Variants in ADAMTSL1 observed in about 807,000 individuals in gnomAD.
The protein encoded by ADAMTSL1 is ADAMTS like 1.
A neutral mutation model predicts 201.8 loss-of-function variants in ADAMTSL1; 126 were observed. The observed-to-expected ratio is 0.62, with a 90% CI of 0.54 to 0.72. The LOEUF (loss-of-function observed/expected upper bound fraction) is 0.72, where lower values mean the gene tolerates loss of function less well. Ranked by LOEUF, ADAMTSL1 falls within the 30% of genes least tolerant of loss-of-function variation. The probability of loss-of-function intolerance (pLI) is 0.00; values close to 1 mark genes in which losing one functional copy is unlikely to be tolerated. For missense variants in ADAMTSL1, 2,679 were observed against 2,277.8 expected (o/e 1.18, Z -3.59); for synonymous variants, 1,121 against 903.4 (o/e 1.24, Z -4.32).
At chr9:18,015,072 CTTATT>C (rs1449417686) in intron 1 of ADAMTSL1, among the ~76,000 whole-genome samples, 4 of 151,954 alleles carry the variant, frequency 2.6e-5, no homozygotes, top group African/African-American at 9.7e-5. Flanking sequence ...TATGCTAAAT[CTTATT>C]TTGTTAAATC....
At chr9:18,584,503 C>G (rs1297381662) in intron 4 of ADAMTSL1, among the ~76,000 whole-genome samples, 2 of 152,146 alleles carry the variant, frequency 1.3e-5, no homozygotes, top group Admixed American at 6.5e-5. Context: ...CACTCAATGG[C>G]AGAAAATGAC....
intron 2 of ADAMTSL1, among the ~76,000 whole-genome samples, chr9:18,528,586 T>C (rs965993725): frequency 4.6e-5 from 7 of 152,308 alleles, no homozygotes; most frequent in Non-Finnish European, 8.8e-5. Context: ...ATGGACCACA[T>C]TTTCTTTTTC....
intron 28 of ADAMTSL1, chr9:18,907,372 C>G (rs1830375651): frequency 5.8e-6 from 1 of 171,318 alleles, no homozygotes; most frequent in African/African-American, 2.4e-5. Context: ...CCAGCTGACC[C>G]CCTCCCTCCC....
chr9:18,312,253 G>C (rs1003825491), intron 2 of ADAMTSL1, among the ~76,000 whole-genome samples: 5 of 152,098 alleles, frequency 3.3e-5, no homozygotes, highest in African/African-American at 9.7e-5. Context: ...GGGCAAGATT[G>C]GTGGCAACTT....
At chr9:18,738,432 T>C (rs1380003904) in intron 15 of ADAMTSL1, among the ~76,000 whole-genome samples, 1 of 152,158 alleles carries the variant, frequency 6.6e-6, no homozygotes, top group Non-Finnish European at 1.5e-5. Flanking sequence ...AGAAAGAAGA[T>C]GGTTGCATTC....
intron 26 of ADAMTSL1, among the ~76,000 whole-genome samples, chr9:18,904,687 T>G (rs1478855480): frequency 7.3e-6 from 1 of 137,858 alleles, no homozygotes; most frequent in South Asian, 2.3e-4. Flanking sequence ...CGTTTATGTG[T>G]ATTTTACGAT....
At chr9:18,131,512 T>C (rs1587123023) in intron 1 of ADAMTSL1, among the ~76,000 whole-genome samples, 1 of 152,154 alleles carries the variant, frequency 6.6e-6, no homozygotes, top group Non-Finnish European at 1.5e-5. Context: ...CAAGGGTTAA[T>C]AGAAATCAAA....
chr9:17,920,752 T>C (rs1225843055), intron 1 of ADAMTSL1, among the ~76,000 whole-genome samples: 4 of 152,238 alleles, frequency 2.6e-5, no homozygotes, highest in Non-Finnish European at 5.9e-5. Flanking sequence ...GTGTAAATGT[T>C]TTAGGCTTTG....
intron 2 of ADAMTSL1, among the ~76,000 whole-genome samples, chr9:18,363,322 A>G (rs1452833636): frequency 6.6e-6 from 1 of 152,224 alleles, no homozygotes; most frequent in African/African-American, 2.4e-5. Flanking sequence ...TAAGTAAACA[A>G]TCATAAACTC....
intron 2 of ADAMTSL1, among the ~76,000 whole-genome samples, chr9:18,339,493 T>C (rs1835382914): frequency 1.3e-5 from 2 of 152,192 alleles, no homozygotes; most frequent in South Asian, 4.1e-4. Context: ...GGAACGCTTA[T>C]ACATTGTTGG....
chr9:17,933,809 G>T (rs1826896398), intron 1 of ADAMTSL1, among the ~76,000 whole-genome samples: 1 of 152,132 alleles, frequency 6.6e-6, no homozygotes. Context: ...CCACCCTCAT[G>T]ATCCAGTCGC....
rs373229765 is a variant in ADAMTSL1, at chr9:18,163,980, C to A, written c.206C>A (p.Ser69Ter). 1 of 151,992 alleles carries A rather than the reference C, an allele frequency of 6.6e-6. No homozygotes were observed. Among genetic ancestry groups the A allele is most frequent in the Non-Finnish European group, 1.5e-5 (1 of 67,952 alleles). 9.4% of individuals were successfully genotyped at this position (151,992 alleles called of 1,614,324 possible). The change falls in exon 2 of 30, where the codon TCG becomes TAG. Residue 69 changes from serine (S) to a stop codon, truncating the protein, a stop_gained and splice_region_variant. Coordinates refer to the ADAMTSL1 transcript ENST00000680146. LOFTEE classifies it high-confidence loss of function. ...TTGAATAGTCACAAAACTGAAGACTCGGTACAGTGTCGCTTCTTCTACTTA... is the reference window on the plus strand; with the variant it reads ...TTGAATAGTCACAAAACTGAAGACTAGGTACAGTGTCGCTTCTTCTACTTA...
At chr9:18,765,519 A>G (rs190009447) in intron 16 of ADAMTSL1, among the ~76,000 whole-genome samples, 326 of 152,260 alleles carry the variant, frequency 2.1e-3, no homozygotes, top group African/African-American at 7.5e-3. Flanking sequence ...TCAAAACACC[A>G]TATACTCCCA....
At chr9:18,714,389 T>G (rs1297151974) in intron 14 of ADAMTSL1, among the ~76,000 whole-genome samples, 1 of 151,676 alleles carries the variant, frequency 6.6e-6, no homozygotes, top group African/African-American at 2.4e-5. Flanking sequence ...ATCAAATAGA[T>G]GCAATAAAAA....
intron 2 of ADAMTSL1, among the ~76,000 whole-genome samples, chr9:18,310,263 G>C (rs1387930421): frequency 6.7e-6 from 1 of 149,066 alleles, no homozygotes; most frequent in Non-Finnish European, 1.5e-5. Context: ...ATAGCATTTA[G>C]GACATAGGCA....
chr9:18,461,222 G>A (rs758088897), intron 2 of ADAMTSL1, among the ~76,000 whole-genome samples: 68 of 152,078 alleles, frequency 4.5e-4, no homozygotes, highest in Admixed American at 3.4e-3. Context: ...CAAATATTGC[G>A]TATATTTTAA....
chr9:18,152,116 G>T (rs950419576), intron 1 of ADAMTSL1, among the ~76,000 whole-genome samples: 1 of 152,054 alleles, frequency 6.6e-6, no homozygotes, highest in Non-Finnish European at 1.5e-5. Context: ...TACACATGAA[G>T]GACCTAAGAT....
intron 2 of ADAMTSL1, among the ~76,000 whole-genome samples, chr9:18,522,865 A>T (rs1818788471): frequency 6.6e-6 from 1 of 152,190 alleles, no homozygotes; most frequent in South Asian, 2.1e-4. Flanking sequence ...TTTGGTTCCA[A>T]GTCTTTGCTA....
chr9:18,654,111 A>G (rs1828472631), intron 7 of ADAMTSL1, among the ~76,000 whole-genome samples: 2 of 152,184 alleles, frequency 1.3e-5, no homozygotes, highest in Non-Finnish European at 2.9e-5. Context: ...CACCTATAAT[A>G]CCAGCTACTC....
Sources: gnomAD v4.1 joint callset for allele counts (sites outside exome capture counted in the v4.1 genomes callset) on GRCh38, gnomAD v4.1.1 for gene constraint, MANE v1.5 for transcripts, NCBI Gene and HGNC (gene_info 2026-07-23, HGNC 2026-07-21) for gene names.